Variants in CHRNG observed in about 807,000 individuals in gnomAD.
The protein encoded by CHRNG is cholinergic receptor nicotinic gamma subunit, also known as acetylcholine receptor subunit gamma.
In CHRNG, 72 loss-of-function variants were observed where a neutral mutation model predicts 65.2. That is an observed-to-expected ratio of 1.10 (90% CI 0.91 to 1.34). CHRNG has a LOEUF of 1.34. Among genes scored for constraint, CHRNG ranks in the 40% most tolerant of loss-of-function variants. The probability of loss-of-function intolerance (pLI) is 0.00; values close to 1 mark genes in which losing one functional copy is unlikely to be tolerated. For synonymous variants in CHRNG, 284 were observed against 290.2 expected, an observed-to-expected ratio of 0.98 and a Z score of 0.22; for missense variants, 637 against 680.1, an observed-to-expected ratio of 0.94 and a Z score of 0.70.
intron 9 of CHRNG, 62 bp downstream of exon 9, chr2:232,543,761 C>A (rs1574645986): frequency 1.0e-6 from 1 of 990,374 alleles, no homozygotes; most frequent in Non-Finnish European, 1.6e-6. Flanking sequence ...CTCCCTCTCG[C>A]ACGCCCCGGC....
intron 11 of CHRNG, 78 bp downstream of exon 11, chr2:232,544,980 T>C: frequency 6.3e-7 from 1 of 1,587,852 alleles, no homozygotes; most frequent in Non-Finnish European, 8.6e-7. Flanking sequence ...ATGAGTGGGG[T>C]TGCCAAGATA....
Position 232,541,134 on chromosome 2 carries a change from AGAGT to A in CHRNG, c.351-239_351-236del, listed in dbSNP as rs1692006593. ...ATTATTATTATGATTAAAACAAGAG[AGAGT>A]AAGATAAGCAGAAATTAGGAGGTGG... On this transcript the variant is annotated intron_variant, in intron 4 of 11. Coordinates refer to ENST00000651502, the MANE Select transcript of CHRNG (RefSeq NM_005199.5). This position sits in a 1 kb window ranked among gnomAD's most constrained non-coding sequence, Gnocchi z 4.0. 6.7e-6 allele frequency among the ~76,000 whole-genome samples: 1 copy of A among 148,866 alleles called. No individual in the cohort carries two copies. Among genetic ancestry groups the A allele is most frequent in the Admixed American group, 6.7e-5 (1 of 14,956 alleles).
chr2:232,544,708 G>T, intron 10 of CHRNG, 64 bp from the exon 11 acceptor site: 22 of 1,599,344 alleles, frequency 1.4e-5, no homozygotes, highest in Non-Finnish European at 1.8e-5. Context: ...CCTAAGGAGA[G>T]GCCATCTTCT....
In CHRNG at chr2:232,545,828, CA is replaced by C. The variant is rs1224741452; in HGVS notation, c.*113del. The stretch of plus-strand genomic sequence containing the variant: ...AGTGTGCTCTTTGGGAAGTGCCCTT[CA>C]GGACTGTGTGAGCCAAACAGCCCTG... On this transcript the variant is annotated 3_prime_UTR_variant, in exon 12 of 12. Transcript: ENST00000651502. The C allele has an allele frequency of 8.8e-6, 11 of 1,251,532 alleles. 1 individual carries two copies. In the Admixed American group the frequency reaches 8.9e-5, roughly 10 times the overall value. 77.5% of individuals were successfully genotyped at this position (1,251,532 alleles called of 1,614,324 possible). A position where few individuals can be genotyped will look rare whatever the true frequency, so the allele number is the denominator to read the frequency against.
At position 232,546,146 on chromosome 2, in the gene CHRNG, GCT is replaced by G; in HGVS notation, c.*436_*437del. 1 of 309,344 alleles carries G rather than the reference GCT, an allele frequency of 3.2e-6. No homozygotes were observed. The allele number at this position is 309,344 out of a possible 1,614,324, so 19.2% of individuals were successfully genotyped here. A position where few individuals can be genotyped will look rare whatever the true frequency, so the allele number is the denominator to read the frequency against. On this transcript the variant is annotated 3_prime_UTR_variant, in exon 12 of 12. Transcript: ENST00000651502. ...AGAGGTGTGAAGAGTAGCAGCCGATGCTCTCTCCAAAGCAGGGCAGCAGCCCA... is the reference window on the plus strand; with the variant it reads ...AGAGGTGTGAAGAGTAGCAGCCGATGCTCTCCAAAGCAGGGCAGCAGCCCA...
chr2:232,547,530 A>G lies in CHRNG; in HGVS notation c.*1814A>G, dbSNP rs1021127791. ...ACCTTGGAAATATGCCCTCCCTCCA[A>G]GCACAGGATTGCTGTCTTTGGGATT... On this transcript the variant is annotated 3_prime_UTR_variant, in exon 12 of 12. Coordinates refer to ENST00000651502, the MANE Select transcript of CHRNG (RefSeq NM_005199.5). 7.9e-5 allele frequency among the ~76,000 whole-genome samples: 12 copies of G among 152,262 alleles called. No individual in the cohort carries two copies. The highest frequency in any genetic ancestry group is 2.9e-4 in the African/African-American group (12 of 41,474).
Position 232,543,324 on chromosome 2 carries a change from T to C in CHRNG, c.855T>C (p.Thr285=), listed in dbSNP as rs1304524866. ...CCATCAACGTGCTCCTGGCCCAGACTGTCTTCCTCTTCCTTGTGGCCAAGA... is the reference window on the plus strand; with the variant it reads ...CCATCAACGTGCTCCTGGCCCAGACCGTCTTCCTCTTCCTTGTGGCCAAGA... The part of the protein sequence containing the change: ...TVAINVLLAQ[T]VFLFLVAKKV... The change falls in exon 8 of 12, where the codon ACT becomes ACC. Residue 285 remains threonine (T), a synonymous_variant. Transcript: ENST00000651502. 1 of 1,614,170 alleles carries C rather than the reference T, an allele frequency of 6.2e-7. No individual in the cohort carries two copies.
rs763468045 is a variant in CHRNG at position 232,544,841 on chromosome 2, C to T, written c.1319C>T (p.Ala440Val). Reference sequence around the variant, plus strand: ...AAGCAGGCTGCCCCAGCCATCCAGGCCTGTGTGGAAGCCTGCAACCTCATT... The same window carrying T: ...AAGCAGGCTGCCCCAGCCATCCAGGTCTGTGTGGAAGCCTGCAACCTCATT... ...SLKQAAPAIQ[A>V]CVEACNLIAC... The change falls in exon 11 of 12, where the codon GCC becomes GTC. Residue 440 changes from alanine (A) to valine (V), a missense_variant. By Grantham distance (64) the Ala-to-Val change is moderately conservative. Coordinates refer to ENST00000651502, the MANE Select transcript of CHRNG (RefSeq NM_005199.5). 5.0e-6 allele frequency: 8 copies of T among 1,613,938 alleles called. No homozygotes were observed. In the South Asian group the frequency reaches 8.8e-5, roughly 18 times the overall value.
rs75952325 is a variant in CHRNG, at chr2:232,542,197, G to A, written c.507-226G>A. Among the ~76,000 whole-genome samples the A allele has an allele frequency of 3.5e-3, 532 of 152,242 alleles. 5 individuals carry two copies. The highest frequency in any genetic ancestry group is 5.0e-3 in the Non-Finnish European group (342 of 68,000). ...ACCCTGGGCCCATCAGCCAGGTGAG[G>A]GCCCTGCAGCCTCCTGGGCCTTCAA... On this transcript the variant is annotated intron_variant, in intron 5 of 11. Transcript: ENST00000651502.
In CHRNG at chr2:232,539,790, G is replaced by A; in HGVS notation, c.43G>A (p.Ala15Thr). 6.2e-7 allele frequency: 1 copy of A among 1,613,866 alleles called. No individual in the cohort carries two copies. Among genetic ancestry groups the A allele is most frequent in the South Asian group, 1.1e-5 (1 of 91,070 alleles). ...GCCGCTGCTCCTCCTGCTGCTGCTG[G>A]CTGTCTGCCTGGGTGGGACACAAAG... The part of the protein sequence containing the change: ...QGPLLLLLLL[A>T]VCLGAQGRNQ... The change falls in exon 1 of 12, where the codon GCT becomes ACT. Residue 15 changes from alanine (A) to threonine (T), a missense_variant. Physicochemically the swap from Ala to Thr is moderately conservative, Grantham distance 58. Transcript: ENST00000651502.
At position 232,546,218 on chromosome 2, in the gene CHRNG, A is replaced by C. The variant is rs1574648015; in HGVS notation, c.*502A>C. ...CCCGTGCCTTCTGGGTACAATAAGCACCCAATTCTCAACAGCCCCAGTGGC... is the reference window on the plus strand; with the variant it reads ...CCCGTGCCTTCTGGGTACAATAAGCCCCCAATTCTCAACAGCCCCAGTGGC... On this transcript the variant is annotated 3_prime_UTR_variant, in exon 12 of 12. Transcript: ENST00000651502. The C allele has an allele frequency of 5.8e-6, 1 of 172,750 alleles. No homozygotes were observed. 10.7% of individuals were successfully genotyped at this position (172,750 alleles called of 1,614,324 possible).
Position 232,541,248 on chromosome 2 carries a change from G to A in CHRNG, c.351-126G>A. On this transcript the variant is annotated intron_variant, in intron 4 of 11. Coordinates refer to ENST00000651502, the MANE Select transcript of CHRNG (RefSeq NM_005199.5). The surrounding 1 kb of genome is among the most constrained non-coding windows in gnomAD (Gnocchi z 4.0). Reference sequence around the variant, plus strand: ...GGTCCGGGTGGGAACCAGTCAGGGGGTGACAGGCTGGTAGGGACTGGTGTC... The same window carrying A: ...GGTCCGGGTGGGAACCAGTCAGGGGATGACAGGCTGGTAGGGACTGGTGTC... 3 of 1,201,104 alleles carry A rather than the reference G, an allele frequency of 2.5e-6. No homozygotes were observed. The highest frequency in any genetic ancestry group is 2.4e-5 in the East Asian group (1 of 42,526). 74.4% of individuals were successfully genotyped at this position (1,201,104 alleles called of 1,614,324 possible).
rs368577744 is a variant in CHRNG at position 232,540,339 on chromosome 2, G to A, written c.196-42G>A. On this transcript the variant is annotated intron_variant, in intron 2 of 11. Transcript: ENST00000651502. The surrounding 1 kb of genome is among the most constrained non-coding windows in gnomAD (Gnocchi z 4.2). ...GTGGCCTGTGGGGACTGGCACTGAA[G>A]TCGGGGGCTGAGCCCTCCATACTAC... 6.2e-7 allele frequency: 1 copy of A among 1,613,796 alleles called. No homozygotes were observed. The highest frequency in any genetic ancestry group is 8.5e-7 in the Non-Finnish European group (1 of 1,179,744).
intron 9 of CHRNG, 26 bp from the exon 10 acceptor site, chr2:232,544,340 GC>G (rs1327752775): frequency 6.4e-7 from 1 of 1,571,282 alleles, no homozygotes; most frequent in South Asian, 1.1e-5. Flanking sequence ...TCGGCCTGCT[GC>G]CCTAGTGAAG....
chr2:232,540,079 C>T lies in CHRNG; in HGVS notation c.143C>T (p.Ser48Leu), dbSNP rs370022034. The change falls in exon 2 of 12, where the codon TCG (serine) becomes TTG (leucine). Residue 48 changes from serine (S) to leucine (L), a missense_variant. Physicochemically the swap from Ser to Leu is moderately radical, Grantham distance 145. Transcript: ENST00000651502. The surrounding 1 kb of genome is among the most constrained non-coding windows in gnomAD (Gnocchi z 4.2). ...AACCTGCGGCCCGCGGAACGAGACT[C>T]GGATGTGGTCAATGTCAGCCTGAAG... ...DPNLRPAERDSDVVNVSLKLT... is the reference protein window; with the variant it reads ...DPNLRPAERDLDVVNVSLKLT... The T allele has an allele frequency of 1.4e-5, 23 of 1,614,074 alleles. No homozygotes were observed. The highest frequency in any genetic ancestry group is 2.2e-5 in the East Asian group (1 of 44,896).
In CHRNG at chr2:232,546,169, G is replaced by GCCCATA. The variant is rs1692129946; in HGVS notation, c.*456_*461dup. The GCCCATA allele has an allele frequency of 4.1e-6, 1 of 242,514 alleles. No homozygotes were observed. The highest frequency in any genetic ancestry group is 8.2e-6 in the Non-Finnish European group (1 of 121,504). 15.0% of individuals were successfully genotyped at this position (242,514 alleles called of 1,614,324 possible). On this transcript the variant is annotated 3_prime_UTR_variant, in exon 12 of 12. Coordinates refer to ENST00000651502, the MANE Select transcript of CHRNG (RefSeq NM_005199.5). ...ATGCTCTCTCCAAAGCAGGGCAGCA[G>GCCCATA]CCCATACCAGCTGGCATCTCCCCCC...
At position 232,540,409 on chromosome 2, in the gene CHRNG, ATGTCTG is replaced by A; in HGVS notation, c.225_230del (p.Asn75_Trp77delinsLys). The A allele has an allele frequency of 6.2e-7, 1 of 1,613,986 alleles. No individual in the cohort carries two copies. Among genetic ancestry groups the A allele is most frequent in the Non-Finnish European group, 8.5e-7 (1 of 1,179,962 alleles). ...GAGCGAGAGGAAGCCCTCACCACCA[ATGTCTG>A]GATAGAGATGGTAAGAGGCCACCCT... On this transcript the variant is annotated inframe_deletion, in exon 3 of 12. Coordinates refer to ENST00000651502, the MANE Select transcript of CHRNG (RefSeq NM_005199.5). The surrounding 1 kb of genome is among the most constrained non-coding windows in gnomAD (Gnocchi z 4.2).
rs891205803 is a variant in CHRNG, at chr2:232,540,831, G to C, written c.350+120G>C. On this transcript the variant is annotated intron_variant, in intron 4 of 11. Coordinates refer to ENST00000651502, the MANE Select transcript of CHRNG (RefSeq NM_005199.5). This position sits in a 1 kb window ranked among gnomAD's most constrained non-coding sequence, Gnocchi z 4.2. ...AGAGGGTGCAAATCGGGCACCTGTG[G>C]GGCTAGGGAAGAACTGGATGGAGCA... The C allele has an allele frequency of 1.1e-6, 1 of 940,372 alleles. No individual in the cohort carries two copies. The highest frequency in any genetic ancestry group is 1.4e-5 in the South Asian group (1 of 69,164). 58.3% of individuals were successfully genotyped at this position (940,372 alleles called of 1,614,324 possible).
Position 232,541,589 on chromosome 2 carries a change from T to G in CHRNG, c.506+60T>G. The G allele has an allele frequency of 6.3e-7, 1 of 1,595,720 alleles. No individual in the cohort carries two copies. The highest frequency in any genetic ancestry group is 8.5e-7 in the Non-Finnish European group (1 of 1,171,750). On this transcript the variant is annotated intron_variant, in intron 5 of 11. Coordinates refer to ENST00000651502, the MANE Select transcript of CHRNG (RefSeq NM_005199.5). The surrounding 1 kb of genome is among the most constrained non-coding windows in gnomAD (Gnocchi z 4.0). The stretch of plus-strand genomic sequence containing the variant: ...GCTCTCAGAGGGGCCTGGGCAGTGG[T>G]GGGGTAAGGCCTGGGCAAGGCTTCT...
Sources: gnomAD v4.1 joint callset for allele counts (sites outside exome capture counted in the v4.1 genomes callset) on GRCh38, gnomAD v4.1.1 for gene constraint, Gnocchi (gnomAD v3.1) non-coding constraint, MANE v1.5 for transcripts, NCBI Gene and HGNC (gene_info 2026-07-23, HGNC 2026-07-21) for gene names.